IDO2: variants seen among roughly 807,000 people sequenced by gnomAD.
IDO2 encodes the protein indoleamine 2,3-dioxygenase 2, also known as indoleamine 2,3-dioxygenase-like 1 protein.
Under a neutral mutation model 45.1 loss-of-function variants are expected in IDO2, and 46 were observed. That is an observed-to-expected ratio of 1.02 (90% CI 0.80 to 1.30). The LOEUF (loss-of-function observed/expected upper bound fraction) is 1.30, where lower values mean the gene tolerates loss of function less well. IDO2 is among the 50% of genes most tolerant of loss of function. The probability of loss-of-function intolerance (pLI) is 0.00; values close to 1 mark genes in which losing one functional copy is unlikely to be tolerated. For missense variants in IDO2, 544 were observed against 491.8 expected (o/e 1.11, Z -1.00); for synonymous variants, 218 against 184.9 (o/e 1.18, Z -1.45).
At chr8:39,980,840 C>T (rs1808331608) in intron 4 of IDO2, among the ~76,000 whole-genome samples, 1 of 152,054 alleles carries the variant, frequency 6.6e-6, no homozygotes, top group Non-Finnish European at 1.5e-5. Flanking sequence ...ACCTCGGCTT[C>T]CTGGGTCCAA....
chr8:39,939,321 C>T (rs1807607298), intron 1 of IDO2, among the ~76,000 whole-genome samples: 1 of 149,538 alleles, frequency 6.7e-6, no homozygotes, highest in South Asian at 2.1e-4. Flanking sequence ...CTGAGGTAGG[C>T]GGATCACTTG....
chr8:39,940,755 T>G lies in IDO2; in HGVS notation c.-18+5537T>G, dbSNP rs4388451. 1.3e-4 allele frequency among the ~76,000 whole-genome samples: 20 copies of G among 151,764 alleles called. No homozygotes were observed. In the East Asian group the frequency reaches 3.9e-3, roughly 29 times the overall value. On this transcript the variant is annotated intron_variant, in intron 1 of 10. Transcript: ENST00000502986. ...CCTCCTCCCCCTATTCATCCCACCC[T>G]CTGGTAACCACTGTTCTACTCTCTG... is the stretch of plus-strand genomic sequence containing the variant.
At chr8:39,992,726 C>G (rs774274349) in intron 8 of IDO2, among the ~76,000 whole-genome samples, 1 of 152,202 alleles carries the variant, frequency 6.6e-6, no homozygotes, top group African/African-American at 2.4e-5. Context: ...TTTCCCTCTG[C>G]TTCCATTCCC....
chr8:39,977,093 TA>T (rs1208572186), intron 3 of IDO2, among the ~76,000 whole-genome samples: 4 of 152,032 alleles, frequency 2.6e-5, no homozygotes, highest in South Asian at 2.1e-4. Context: ...AACAATGAAC[TA>T]AAAAAAATTT....
chr8:39,978,613 A>G (rs764542038), intron 3 of IDO2, among the ~76,000 whole-genome samples: 1 of 152,092 alleles, frequency 6.6e-6, no homozygotes, highest in Non-Finnish European at 1.5e-5. Flanking sequence ...TGTTTGATAG[A>G]GAGAGGAACA....
intron 3 of IDO2, among the ~76,000 whole-genome samples, chr8:39,964,840 G>A (rs2729466): frequency 0.017 from 2,641 of 152,262 alleles, 76 homozygotes; most frequent in African/African-American, 0.059. Flanking sequence ...TTTTTTGAAC[G>A]TATTAAGCAA....
intron 8 of IDO2, among the ~76,000 whole-genome samples, chr8:39,995,735 T>A (rs988578365): frequency 1.3e-5 from 2 of 152,230 alleles, no homozygotes; most frequent in Non-Finnish European, 2.9e-5. Flanking sequence ...ATTATAATAA[T>A]CTTTGTTCTA....
intron 3 of IDO2, among the ~76,000 whole-genome samples, chr8:39,967,397 G>T (rs1368382004): frequency 6.6e-6 from 1 of 152,074 alleles, no homozygotes; most frequent in African/African-American, 2.4e-5. Flanking sequence ...AAAGAAATCT[G>T]CATATTCATA....
At chr8:39,969,968 T>C (rs544013564) in intron 3 of IDO2, among the ~76,000 whole-genome samples, 28 of 152,182 alleles carry the variant, frequency 1.8e-4, no homozygotes, top group Non-Finnish European at 2.9e-4. Flanking sequence ...TGGGCCTCTT[T>C]TGCCAAACAG....
At position 39,952,778 on chromosome 8, in the gene IDO2, A is replaced by ATT. The variant is rs112631020; in HGVS notation, c.99+3526_99+3527dup. ...CCGGAAATGAGGCTCTGGAGTTCAGATTTTTTTTTTTTTGAGATGGCGTCT... is the reference window on the plus strand; with the variant it reads ...CCGGAAATGAGGCTCTGGAGTTCAGATTTTTTTTTTTTTTTGAGATGGCGTCT... On this transcript the variant is annotated intron_variant, in intron 2 of 10. Transcript: ENST00000502986. Among the ~76,000 whole-genome samples the ATT allele has an allele frequency of 2.0e-3, 298 of 147,454 alleles. 3 individuals are homozygous for ATT. The highest frequency in any genetic ancestry group is 6.9e-3 in the African/African-American group (279 of 40,356).
intron 1 of IDO2, among the ~76,000 whole-genome samples, chr8:39,937,524 C>CTT (rs72104971): frequency 4.4e-4 from 64 of 143,910 alleles, no homozygotes; most frequent in Admixed American, 1.0e-3. Context: ...AAAATATCTT[C>CTT]TTTTTTTTTT....
rs71220808 is a variant in IDO2, at chr8:39,983,863, G to GAA, written c.434+1101_434+1102dup. 3.3e-5 allele frequency among the ~76,000 whole-genome samples: 5 copies of GAA among 150,802 alleles called. No homozygotes were observed. The South Asian group carries it at 8.5e-4, about 26-fold the overall frequency. On this transcript the variant is annotated intron_variant, in intron 5 of 10. Transcript: ENST00000502986. ...CTAGGTGACAAACTCTGTCTCAAAAGAAAAAAAAATTATGTGCCCCATTGG... is the reference window on the plus strand; with the variant it reads ...CTAGGTGACAAACTCTGTCTCAAAAGAAAAAAAAAAATTATGTGCCCCATTGG...
intron 3 of IDO2, among the ~76,000 whole-genome samples, chr8:39,964,079 G>C (rs1264709630): frequency 6.6e-6 from 1 of 152,166 alleles, no homozygotes. Flanking sequence ...TTGTTACTGA[G>C]GGGGTCTAAC....
intron 8 of IDO2, among the ~76,000 whole-genome samples, chr8:39,990,134 G>C (rs1808479259): frequency 1.3e-5 from 2 of 152,100 alleles, no homozygotes; most frequent in African/African-American, 4.8e-5. Flanking sequence ...TGAGAGGAGG[G>C]GATGGGATGC....
chr8:39,979,356 TA>T (rs72396091), intron 4 of IDO2, among the ~76,000 whole-genome samples, 170 bp downstream of exon 4: 3,800 of 152,172 alleles, frequency 0.025, 65 homozygotes, highest in Admixed American at 0.047. Context: ...TTATTATTAT[TA>T]TTTTTTTATT....
rs554366699 is a variant in IDO2 at position 39,974,795 on chromosome 8, C to T, written c.196-4272C>T. Among the ~76,000 whole-genome samples the T allele has an allele frequency of 2.6e-5, 4 of 152,336 alleles. No homozygotes were observed. The South Asian group carries it at 8.3e-4, about 32-fold the overall frequency. ...AATTAGCTGGGCGTGGTGGCACGCA[C>T]CTGTAGTCCCATCTACTTGGGAGGC... On this transcript the variant is annotated intron_variant, in intron 3 of 10. Coordinates refer to ENST00000502986, the Ensembl canonical transcript of IDO2.
intron 1 of IDO2, 52 bp from the exon 2 acceptor site, chr8:39,949,097 G>A: frequency 6.4e-7 from 1 of 1,552,696 alleles, no homozygotes; most frequent in Admixed American, 2.0e-5. Context: ...ATGGAACCTG[G>A]GTGTTTAATT....
chr8:39,963,669 T>C, exon 3 of IDO2: 1 of 1,612,182 alleles, frequency 6.2e-7, no homozygotes, highest in Non-Finnish European at 8.5e-7. Flanking sequence ...CCTCAATTGA[T>C]TGATGCTCAC....
intron 3 of IDO2, among the ~76,000 whole-genome samples, chr8:39,972,542 A>C (rs1013173488): frequency 1.5e-5 from 2 of 132,846 alleles, no homozygotes; most frequent in East Asian, 4.7e-4. Flanking sequence ...CCTGGGAGGC[A>C]GAGGTTGCAG....
Sources: gnomAD v4.1 joint callset for allele counts (sites outside exome capture counted in the v4.1 genomes callset) on GRCh38, gnomAD v4.1.1 for gene constraint, MANE v1.5 for transcripts, NCBI Gene and HGNC (gene_info 2026-07-23, HGNC 2026-07-21) for gene names.